Variants in ZAN observed in about 807,000 individuals in gnomAD.
ZAN encodes zonadhesin (gene/pseudogene).
Under a neutral mutation model 286.2 loss-of-function variants are expected in ZAN, and 260 were observed. The ratio of observed to expected loss-of-function variants is 0.91; its 90% CI spans 0.82 to 1.01. ZAN has a LOEUF of 1.01. Among genes scored for constraint, ZAN ranks in the 50% least tolerant of loss-of-function variants. The probability of loss-of-function intolerance (pLI) is 0.00; values close to 1 mark genes in which losing one functional copy is unlikely to be tolerated. For synonymous variants in ZAN, 1,368 were observed against 1,417.5 expected (o/e 0.97, Z 0.79); for missense variants, 3,410 against 3,639.2 (o/e 0.94, Z 1.62).
chr7:100,786,193 G>T lies in ZAN; in HGVS notation c.6979+52G>T, dbSNP rs73411145. The T allele has an allele frequency of 0.015, 23,483 of 1,605,290 alleles. 1,909 individuals carry two copies. In the African/African-American group the frequency reaches 0.21, roughly 15 times the overall value. On this transcript the variant is annotated intron_variant, in intron 37 of 47. Transcript: ENST00000613979. ...AGAGGGGAGCACCTGTGGCCAGGGC[G>T]GAGGTGGAGGAAGAGGCAGGGTGGG...
rs1811066007 is a variant in ZAN at position 100,779,636 on chromosome 7, C to T, written c.6508C>T (p.Leu2170Phe). ...CTTCCTGGTGGACTGTGCAAACACC[C>T]TCTGTGAGTTCGGAGGTCTCTACCA... The part of the protein sequence containing the change: ...TPFLVDCANT[L>F]CEFGGLYQAL... The change falls in exon 35 of 48, where the codon CTC becomes TTC. Residue 2170 changes from leucine (L) to phenylalanine (F), a missense_variant. Physicochemically the swap from Leu to Phe is conservative, Grantham distance 22. Coordinates refer to ENST00000613979, the MANE Select transcript of ZAN (RefSeq NM_003386.3). 6.3e-7 allele frequency: 1 copy of T among 1,595,868 alleles called. No homozygotes were observed. The highest frequency in any genetic ancestry group is 8.5e-7 in the Non-Finnish European group (1 of 1,171,526).
intron 36 of ZAN, 111 bp downstream of exon 36, chr7:100,784,945 G>C (rs1562953408): frequency 8.0e-7 from 1 of 1,250,982 alleles, no homozygotes; most frequent in South Asian, 1.6e-5. Flanking sequence ...GCTGGCCCGG[G>C]GGTGTGAAGG....
In ZAN at chr7:100,737,079, G is replaced by A. The variant is rs1174241163; in HGVS notation, c.524G>A (p.Arg175Gln). 2.0e-5 allele frequency: 30 copies of A among 1,490,492 alleles called. 5 individuals carry two copies. The highest frequency in any genetic ancestry group is 2.6e-5 in the Non-Finnish European group (28 of 1,091,476). The allele number at this position is 1,490,492 out of a possible 1,614,324, so 92.3% of individuals were successfully genotyped here. Residue 175 changes from arginine to glutamine, a missense_variant and splice_region_variant, in exon 5 of 48, where the codon CGG becomes CAG. By Grantham distance (43) the Arg-to-Gln change is conservative (BLOSUM62 1). Around this residue, in one of 7 missense-constraint regions of ZAN, gnomAD observed 872 missense variants for 938.9 expected, o/e 0.93. Transcript: ENST00000613979. The part of the protein sequence containing the change: ...TVPAGFTLPT[R>Q]LMFEGTRGST... ...CCCGCAGGGTTCACCCTGCCCACCC[G>A]GGTAAGGCCGGGGACAAATTGTGGG... is the stretch of plus-strand genomic sequence containing the variant.
Position 100,755,385 on chromosome 7 carries a change from G to T in ZAN, c.3284G>T (p.Cys1095Phe). Residue 1095 changes from cysteine (C) to phenylalanine (F), a missense_variant, in exon 15 of 48, where the codon TGC becomes TTC. Transcript: ENST00000613979. ...NHCIQASSCN[C>F]FYNNDYYEPG... is the part of the protein sequence containing the mutation. ...TGCATCCAGGCCTCTTCCTGCAATTGCTTCTACAACAACGACTACTATGAG... is the reference window on the plus strand; with the variant it reads ...TGCATCCAGGCCTCTTCCTGCAATTTCTTCTACAACAACGACTACTATGAG... 6.2e-7 allele frequency: 1 copy of T among 1,613,144 alleles called. No individual in the cohort carries two copies. The highest frequency in any genetic ancestry group is 8.5e-7 in the Non-Finnish European group (1 of 1,179,588).
In ZAN at chr7:100,766,135, C is replaced by T. The variant is rs1045513368; in HGVS notation, c.4471-390C>T. ...CCAAGTAGCTGGGATTACAGGCGTG[C>T]ACTACCACGCCAGGCTAATTTTTGT... On this transcript the variant is annotated intron_variant, in intron 23 of 47. Coordinates refer to ENST00000613979, the MANE Select transcript of ZAN (RefSeq NM_003386.3). Among the ~76,000 whole-genome samples the T allele has an allele frequency of 2.6e-5, 4 of 152,038 alleles. No individual in the cohort carries two copies. The South Asian group carries it at 6.2e-4, about 24-fold the overall frequency.
Position 100,752,518 on chromosome 7 carries a change from A to C in ZAN, c.2413A>C (p.Thr805Pro). 1.2e-6 allele frequency: 2 copies of C among 1,611,606 alleles called. No individual in the cohort carries two copies. The highest frequency in any genetic ancestry group is 1.7e-6 in the Non-Finnish European group (2 of 1,179,496). ...CTCCACAGAAGAGCCCACCACCCCCACTGAGGAGACCACCATCTCCACAGA... is the reference window on the plus strand; with the variant it reads ...CTCCACAGAAGAGCCCACCACCCCCCCTGAGGAGACCACCATCTCCACAGA... ...TISTEEPTTP[T>P]EETTISTEKP... The change falls in exon 14 of 48, where the codon ACT (threonine) becomes CCT (proline). Residue 805 changes from threonine to proline, a missense_variant. Physicochemically the swap from Thr to Pro is conservative, Grantham distance 38. This residue lies in a region of ZAN where 90 missense variants were observed against 87.1 expected (regional missense o/e 1.03). Coordinates refer to ENST00000613979, the MANE Select transcript of ZAN (RefSeq NM_003386.3).
chr7:100,794,036 G>A lies in ZAN; in HGVS notation c.7986+18G>A, dbSNP rs1386001637. 2 of 1,612,472 alleles carry A rather than the reference G, an allele frequency of 1.2e-6. No individual in the cohort carries two copies. Among genetic ancestry groups the A allele is most frequent in the Admixed American group, 3.4e-5 (2 of 59,592 alleles). On this transcript the variant is annotated intron_variant, in intron 43 of 47. Coordinates refer to ENST00000613979, the MANE Select transcript of ZAN (RefSeq NM_003386.3). ...ACTACCAGGTCTGAGCTGGCAGCAG[G>A]AGGCCCTGGGGAGCAGAGGCGCCAA...
chr7:100,793,915 C>T lies in ZAN; in HGVS notation c.7883C>T (p.Pro2628Leu). Residue 2628 changes from proline to leucine, a missense_variant, in exon 43 of 48, where the codon CCC becomes CTC. Pro to Leu is a moderately conservative substitution (Grantham distance 98). Coordinates refer to ENST00000613979, the MANE Select transcript of ZAN (RefSeq NM_003386.3). ...QPGRPRGLRG[P>L]LRGRLRQHPR... ...GGCAGACCCCGGGGACTGCGAGGGCCCCTGCGTGGAAGGCTGCGCCAGCAT... is the reference window on the plus strand; with the variant it reads ...GGCAGACCCCGGGGACTGCGAGGGCTCCTGCGTGGAAGGCTGCGCCAGCAT... The T allele has an allele frequency of 1.2e-6, 2 of 1,613,972 alleles. No individual in the cohort carries two copies. Among genetic ancestry groups the T allele is most frequent in the Non-Finnish European group, 8.5e-7 (1 of 1,179,884 alleles).
chr7:100,752,678 C>T lies in ZAN; in HGVS notation c.2573C>T (p.Thr858Ile). The T allele has an allele frequency of 6.3e-7, 1 of 1,579,916 alleles. No individual in the cohort carries two copies. Among genetic ancestry groups the T allele is most frequent in the South Asian group, 1.1e-5 (1 of 87,960 alleles). ...EKPTISTEKP[T>I]IPTEKPTISP... ...CCCACCATCTCCACAGAAAAACCCA[C>T]CATCCCCACAGAAAAACCCACCATC... is the stretch of plus-strand genomic sequence containing the variant. Residue 858 changes from threonine to isoleucine, a missense_variant, in exon 14 of 48, where the codon ACC (threonine) becomes ATC (isoleucine). Physicochemically the swap from Thr to Ile is moderately conservative, Grantham distance 89. This residue lies in a region of ZAN where 51 missense variants were observed against 105.2 expected (regional missense o/e 0.48). Transcript: ENST00000613979.
chr7:100,792,338 T>C lies in ZAN; in HGVS notation c.7713-67T>C, dbSNP rs1486803163. 6 of 1,534,314 alleles carry C rather than the reference T, an allele frequency of 3.9e-6. No homozygotes were observed. In the East Asian group the frequency reaches 1.4e-4, roughly 35 times the overall value. On this transcript the variant is annotated intron_variant, in intron 41 of 47. Transcript: ENST00000613979. ...TTCTGTTTGGGGTTCCAGGCTCTCT[T>C]CTGCAGGGGTGGGTCTCCTCCCCTC...
chr7:100,737,319 C>A lies in ZAN; in HGVS notation c.583C>A (p.Leu195Ile). The change falls in exon 6 of 48, where the codon CTC becomes ATC. Residue 195 changes from leucine (L) to isoleucine (I), a missense_variant. This residue lies in a region of ZAN where 872 missense variants were observed against 938.9 expected (regional missense o/e 0.93). Transcript: ENST00000613979. ...TAYLDIALDALSIRRGSCNRV... is the reference protein window; with the variant it reads ...TAYLDIALDAISIRRGSCNRV... Reference sequence around the variant, plus strand: ...CTACCTGGACATCGCCCTGGATGCCCTCTCTATCCGCCGGGGCTCCTGTAA... The same window carrying A: ...CTACCTGGACATCGCCCTGGATGCCATCTCTATCCGCCGGGGCTCCTGTAA... 1 of 1,483,438 alleles carries A rather than the reference C, an allele frequency of 6.7e-7. No individual in the cohort carries two copies. Among genetic ancestry groups the A allele is most frequent in the East Asian group, 2.4e-5 (1 of 42,336 alleles). The allele number at this position is 1,483,438 out of a possible 1,614,324, so 91.9% of individuals were successfully genotyped here. A position where few individuals can be genotyped will look rare whatever the true frequency, so the allele number is the denominator to read the frequency against.
chr7:100,773,528 CAG>C, intron 30 of ZAN, 35 bp downstream of exon 30: 1 of 1,606,490 alleles, frequency 6.2e-7, no homozygotes, highest in Non-Finnish European at 8.5e-7. Context: ...CCGCCCTTTC[CAG>C]GCCCACATGT....
chr7:100,768,126 T>C, intron 26 of ZAN, 115 bp downstream of exon 26: 1 of 1,293,478 alleles, frequency 7.7e-7, no homozygotes, highest in Non-Finnish European at 1.0e-6. Context: ...ACTGACTAAT[T>C]CGTTGAGGAC....
At chr7:100,796,461 G>A (rs1812371551) in intron 45 of ZAN, among the ~76,000 whole-genome samples, 2 of 146,146 alleles carry the variant, frequency 1.4e-5, no homozygotes, top group Non-Finnish European at 3.0e-5. Flanking sequence ...CTGTTGCCCA[G>A]GCTGGAGTGC....
intron 35 of ZAN, among the ~76,000 whole-genome samples, chr7:100,781,496 A>G (rs1339955685): frequency 6.6e-6 from 1 of 152,152 alleles, no homozygotes; most frequent in Admixed American, 6.6e-5. Context: ...CTGAAGGGTC[A>G]GGGTGAAAGC....
Position 100,771,990 on chromosome 7 carries a change from GC to G in ZAN, c.5399del (p.Pro1800LeufsTer11), listed in dbSNP as rs752410047. The G allele has an allele frequency of 1.9e-6, 3 of 1,605,772 alleles. No individual in the cohort carries two copies. In the African/African-American group the frequency reaches 4.0e-5, roughly 21 times the overall value. ...YASLCAQAGQ[A>X]PAWRNRTFCP... The stretch of plus-strand genomic sequence containing the variant: ...GTCCCTGTGTGCCCAGGCTGGCCAG[GC>G]CCCTGCCTGGCGGAACAGAACCTTC... On this transcript the variant is annotated frameshift_variant, in exon 29 of 48. Transcript: ENST00000613979. LOFTEE classifies it high-confidence loss of function.
Position 100,762,311 on chromosome 7 carries a change from G to A in ZAN, c.3939G>A (p.Lys1313=). ...LKLDGSPAGD[K]EELGNSWQTD... ...TGGACGGCAGCCCAGCAGGAGACAA[G>A]GAGGAGCTGGGGAACAGCTGGCAGA... Residue 1313 remains lysine (K), a synonymous_variant, in exon 20 of 48, where the codon AAG becomes AAA. Transcript: ENST00000613979. 1.2e-6 allele frequency: 2 copies of A among 1,613,560 alleles called. No individual in the cohort carries two copies. Among genetic ancestry groups the A allele is most frequent in the Non-Finnish European group, 1.7e-6 (2 of 1,179,724 alleles).
Position 100,792,669 on chromosome 7 carries a change from C to T in ZAN, c.7787+190C>T. On this transcript the variant is annotated intron_variant, in intron 42 of 47. Coordinates refer to ENST00000613979, the MANE Select transcript of ZAN (RefSeq NM_003386.3). ...AGTCCCATCATCCCTCGAATTTCTG[C>T]CTTAGTCCCAGGTCCAAGTCAGCAC... 2.2e-6 allele frequency: 3 copies of T among 1,363,708 alleles called. 1 individual carries two copies. Among genetic ancestry groups the T allele is most frequent in the South Asian group, 3.2e-5 (2 of 62,184 alleles). The allele number at this position is 1,363,708 out of a possible 1,614,324, so 84.5% of individuals were successfully genotyped here.
chr7:100,772,097 C>CTTT (rs777506126), intron 29 of ZAN, 77 bp downstream of exon 29: 138 of 1,227,454 alleles, frequency 1.1e-4, no homozygotes, highest in Middle Eastern at 2.9e-4. Context: ...CCTCTAAATT[C>CTTT]TTTTTTTTTT....
Sources: gnomAD v4.1 joint callset for allele counts (sites outside exome capture counted in the v4.1 genomes callset) on GRCh38, gnomAD v4.1.1 for gene constraint, gnomAD v4.1.1 regional missense constraint, MANE v1.5 for transcripts, NCBI Gene and HGNC (gene_info 2026-07-23, HGNC 2026-07-21) for gene names.